Variants in PCSK5 observed in about 807,000 individuals in gnomAD.
PCSK5 encodes prohormone convertase 5.
Under a neutral mutation model 233.2 loss-of-function variants are expected in PCSK5, and 129 were observed. The ratio of observed to expected loss-of-function variants is 0.55; its 90% CI spans 0.48 to 0.64. The LOEUF is 0.64. Among genes scored for constraint, PCSK5 ranks in the 30% least tolerant of loss-of-function variants. The pLI is 0.00. For synonymous variants in PCSK5, 825 were observed against 879.2 expected, an observed-to-expected ratio of 0.94 and a Z score of 1.09; for missense variants, 2,076 against 2,430.1, an observed-to-expected ratio of 0.85 and a Z score of 3.06.
rs1825564091 is a variant in PCSK5 at position 75,890,931 on chromosome 9, G to C, written c.-251G>C. On this transcript the variant is annotated 5_prime_UTR_variant, in exon 1 of 38. Coordinates refer to ENST00000674117, the MANE Select transcript of PCSK5 (RefSeq NM_001372043.1). ...TCCTGCGTCCGAGCCGGGGAGCATC[G>C]CCGAGCGCCCCACGGGCCGGAGAGC... 1 of 374,960 alleles carries C rather than the reference G, an allele frequency of 2.7e-6. No homozygotes were observed. The highest frequency in any genetic ancestry group is 2.1e-5 in the African/African-American group (1 of 47,958). The allele number at this position is 374,960 out of a possible 1,614,324, so 23.2% of individuals were successfully genotyped here.
chr9:76,061,172 A>C (rs536061740), intron 5 of PCSK5, among the ~76,000 whole-genome samples: 4 of 152,306 alleles, frequency 2.6e-5, no homozygotes, highest in Non-Finnish European at 5.9e-5. Flanking sequence ...AGTATAATAA[A>C]TAAGCCTGAT....
rs1156637561 is a variant in PCSK5, at chr9:76,360,075, A to G, written c.*1153A>G. The G allele has an allele frequency of 2.0e-5, 3 of 152,192 alleles. No homozygotes were observed. The highest frequency in any genetic ancestry group is 4.4e-5 in the Non-Finnish European group (3 of 68,034). 9.4% of individuals were successfully genotyped at this position (152,192 alleles called of 1,614,324 possible). A position where few individuals can be genotyped will look rare whatever the true frequency, so the allele number is the denominator to read the frequency against. ...TTTTGTCCAGATTGTAACACAGAGA[A>G]GGGCTCTTGCTATGCAAAATGATGT... On this transcript the variant is annotated 3_prime_UTR_variant, in exon 38 of 38. Transcript: ENST00000674117.
At chr9:76,025,511 TAGA>T (rs1828385182) in intron 4 of PCSK5, among the ~76,000 whole-genome samples, 1 of 152,108 alleles carries the variant, frequency 6.6e-6, no homozygotes, top group South Asian at 2.1e-4. Flanking sequence ...TATTCCAGGC[TAGA>T]AGGAGGAAGC....
chr9:76,322,827 T>C (rs1296769028), intron 31 of PCSK5, among the ~76,000 whole-genome samples: 1 of 152,236 alleles, frequency 6.6e-6, no homozygotes, highest in Non-Finnish European at 1.5e-5. Flanking sequence ...GACCATTTCA[T>C]TGTGTAAGTC....
In PCSK5 at chr9:76,313,385, T is replaced by C. The variant is rs150539015; in HGVS notation, c.3884+2534T>C. 5.5e-3 allele frequency among the ~76,000 whole-genome samples: 841 copies of C among 152,340 alleles called. 10 individuals carry two copies. The highest frequency in any genetic ancestry group is 0.019 in the African/African-American group (803 of 41,582). On this transcript the variant is annotated intron_variant, in intron 30 of 37. Coordinates refer to ENST00000674117, the MANE Select transcript of PCSK5 (RefSeq NM_001372043.1). The stretch of plus-strand genomic sequence containing the variant: ...CATTACCACAATCAATTTCAGAACA[T>C]TGTCATCAACCTAGAAAGAAACCCT...
intron 32 of PCSK5, among the ~76,000 whole-genome samples, chr9:76,323,927 G>A (rs977293913): frequency 8.5e-6 from 1 of 118,264 alleles, no homozygotes; most frequent in African/African-American, 3.3e-5. Context: ...CTCCCTTCCT[G>A]GGTGATTTTT....
intron 5 of PCSK5, among the ~76,000 whole-genome samples, chr9:76,063,328 T>C (rs1417728083): frequency 1.5e-5 from 2 of 133,492 alleles, no homozygotes; most frequent in African/African-American, 2.9e-5. Context: ...TCTTTTTTTT[T>C]TTTTTTTTTT....
At chr9:76,317,643 C>T (rs1829069426) in intron 30 of PCSK5, among the ~76,000 whole-genome samples, 1 of 152,220 alleles carries the variant, frequency 6.6e-6, no homozygotes, top group Non-Finnish European at 1.5e-5. Context: ...CAACTTTGCA[C>T]CAACTCCACT....
intron 8 of PCSK5, among the ~76,000 whole-genome samples, chr9:76,099,064 T>C (rs888133236): frequency 6.6e-6 from 1 of 152,222 alleles, no homozygotes; most frequent in African/African-American, 2.4e-5. Flanking sequence ...TTCAAAGCCT[T>C]CTGTGACTCA....
intron 2 of PCSK5, among the ~76,000 whole-genome samples, chr9:75,972,235 T>A (rs546971273): frequency 8.5e-5 from 13 of 152,372 alleles, no homozygotes; most frequent in Admixed American, 3.9e-4. Flanking sequence ...TCCATTGTTC[T>A]ACATGTCTGT....
At chr9:76,143,558 T>A (rs887796988) in intron 10 of PCSK5, among the ~76,000 whole-genome samples, 3 of 129,662 alleles carry the variant, frequency 2.3e-5, no homozygotes, top group Non-Finnish European at 3.3e-5. Context: ...AACTGACTGG[T>A]TGAAATGAAA....
chr9:75,988,518 G>C (rs1454648939), intron 3 of PCSK5, among the ~76,000 whole-genome samples: 1 of 152,084 alleles, frequency 6.6e-6, no homozygotes, highest in Non-Finnish European at 1.5e-5. Context: ...CTGGACTCAA[G>C]TGATCCTCCC....
chr9:75,994,396 CTTTCTTTTTTTTTTTTTTTT>C (rs554290898), intron 3 of PCSK5, among the ~76,000 whole-genome samples: 17,595 of 67,394 alleles, frequency 0.26, 2,988 homozygotes, highest in East Asian at 0.54. Context: ...TTCTTTCTTT[CTTTCTTTTTTTTTTTTTTTT>C]TTTTTTTTTT....
intron 20 of PCSK5, chr9:76,195,593 A>AAT (rs1824658499): frequency 6.6e-6 from 1 of 152,096 alleles, no homozygotes; most frequent in African/African-American, 2.4e-5. Context: ...ATTATGTATA[A>AAT]ATATATATAT....
chr9:76,050,013 C>A (rs1221426111), intron 5 of PCSK5, among the ~76,000 whole-genome samples: 1 of 152,066 alleles, frequency 6.6e-6, no homozygotes, highest in African/African-American at 2.4e-5. Context: ...ATTTTCTGGC[C>A]AACAGAATTT....
At position 76,328,234 on chromosome 9, in the gene PCSK5, T is replaced by A. The variant is rs778084103; in HGVS notation, c.4565T>A (p.Leu1522His). 5 of 1,608,268 alleles carry A rather than the reference T, an allele frequency of 3.1e-6. No individual in the cohort carries two copies. The highest frequency in any genetic ancestry group is 4.3e-6 in the Non-Finnish European group (5 of 1,175,672). ...QCQTCPMNSL[L>H]LNTTCVKDCP... ...CAAACATGCCCCATGAACAGCCTTCTTCTCAGTGAGTTACTTCTCCGAGGA... is the reference window on the plus strand; with the variant it reads ...CAAACATGCCCCATGAACAGCCTTCATCTCAGTGAGTTACTTCTCCGAGGA... Residue 1522 changes from leucine (L) to histidine (H), a missense_variant, in exon 33 of 38, where the codon CTT (leucine) becomes CAT (histidine). Transcript: ENST00000674117.
chr9:75,955,444 A>C (rs1825053385), intron 2 of PCSK5, among the ~76,000 whole-genome samples: 1 of 152,288 alleles, frequency 6.6e-6, no homozygotes, highest in East Asian at 1.9e-4. Flanking sequence ...ACTAATTTTA[A>C]AGAGCTTAAA....
intron 2 of PCSK5, among the ~76,000 whole-genome samples, chr9:75,958,891 CCT>C (rs1825213164): frequency 6.6e-6 from 1 of 152,166 alleles, no homozygotes; most frequent in African/African-American, 2.4e-5. Context: ...CTACACATCC[CCT>C]GTGTCGCTTA....
At chr9:75,974,241 G>A (rs760158920) in intron 2 of PCSK5, among the ~76,000 whole-genome samples, 3 of 152,130 alleles carry the variant, frequency 2.0e-5, no homozygotes, top group Admixed American at 1.3e-4. Flanking sequence ...TCGCCTTCCC[G>A]TAGGGCTGGC....
Sources: allele counts gnomAD v4.1 joint callset (sites outside exome capture counted in the v4.1 genomes callset), GRCh38; gene constraint gnomAD v4.1.1; transcripts MANE v1.5; gene names NCBI Gene and HGNC (gene_info 2026-07-23, HGNC 2026-07-21).